Variants in ANTXR1 observed in about 807,000 individuals in gnomAD.
ANTXR1 encodes the protein ANTXR cell adhesion molecule 1.
In ANTXR1, 19 loss-of-function variants were observed where a neutral mutation model predicts 78.1. The ratio of observed to expected loss-of-function variants is 0.24; its 90% CI spans 0.17 to 0.36. The LOEUF (loss-of-function observed/expected upper bound fraction) is 0.36. Among genes scored for constraint, ANTXR1 ranks in the 10% least tolerant of loss-of-function variants. The probability of loss-of-function intolerance (pLI) is 1.00; values close to 1 mark genes in which losing one functional copy is unlikely to be tolerated. For synonymous variants in ANTXR1, 273 were observed against 260.5 expected (o/e 1.05, Z -0.46); for missense variants, 518 against 718.6 (o/e 0.72, Z 3.19).
At chr2:69,120,317 T>C (rs377187856) in intron 10 of ANTXR1, among the ~76,000 whole-genome samples, 1 of 152,202 alleles carries the variant, frequency 6.6e-6, no homozygotes, top group East Asian at 1.9e-4. Flanking sequence ...GTCGAACCAT[T>C]GTTAAGTTGA....
At chr2:69,099,232 T>G (rs954850130) in intron 9 of ANTXR1, among the ~76,000 whole-genome samples, 4 of 152,230 alleles carry the variant, frequency 2.6e-5, no homozygotes, top group Non-Finnish European at 5.9e-5. Flanking sequence ...GTGTCTTGCT[T>G]CTTTTATTTA....
intron 14 of ANTXR1, among the ~76,000 whole-genome samples, chr2:69,173,964 G>T (rs1173921715): frequency 2.0e-5 from 3 of 152,196 alleles, no homozygotes; most frequent in Non-Finnish European, 4.4e-5. Flanking sequence ...CTGGACAGAT[G>T]ACTAGTACAT....
At chr2:69,219,171 T>C (rs1179038294) in intron 17 of ANTXR1, among the ~76,000 whole-genome samples, 1 of 152,110 alleles carries the variant, frequency 6.6e-6, no homozygotes, top group Non-Finnish European at 1.5e-5. Context: ...AGTCCCCAGG[T>C]CCCTGGGTTC....
rs192869207 is a variant in ANTXR1 at position 69,128,525 on chromosome 2, G to A, written c.951+3882G>A. Among the ~76,000 whole-genome samples the A allele has an allele frequency of 1.8e-4, 28 of 152,280 alleles. No homozygotes were observed. The East Asian group carries it at 4.6e-3, about 25-fold the overall frequency. ...AGACAACATGTATCCGGGGGTACAT[G>A]TTTATCACTAGACCAAGCCCAGGTG... On this transcript the variant is annotated intron_variant, in intron 12 of 17. Coordinates refer to ENST00000303714, the MANE Select transcript of ANTXR1 (RefSeq NM_032208.3).
intron 17 of ANTXR1, among the ~76,000 whole-genome samples, chr2:69,204,151 G>A (rs986060827): frequency 6.6e-6 from 1 of 152,184 alleles, no homozygotes; most frequent in Non-Finnish European, 1.5e-5. Context: ...AGATCATCTC[G>A]AGGGACATTC....
chr2:69,147,969 G>T (rs773486675), intron 12 of ANTXR1, among the ~76,000 whole-genome samples: 3 of 152,200 alleles, frequency 2.0e-5, no homozygotes, highest in African/African-American at 7.2e-5. Flanking sequence ...AAATGCAGGC[G>T]TTTCAAGAGT....
In ANTXR1 at chr2:69,013,924, A is replaced by G. The variant is rs1279783190; in HGVS notation, c.152+273A>G. ...TGCTTTCTGTGTCCCAGGAGCAGGC[A>G]AGGGGCTTGGAGGATGCTATTGTCT... On this transcript the variant is annotated intron_variant, in intron 1 of 17. Coordinates refer to ENST00000303714, the MANE Select transcript of ANTXR1 (RefSeq NM_032208.3). This position sits in a 1 kb window ranked among gnomAD's most constrained non-coding sequence, Gnocchi z 5.0. 6.6e-6 allele frequency among the ~76,000 whole-genome samples: 1 copy of G among 152,210 alleles called. No homozygotes were observed. Among genetic ancestry groups the G allele is most frequent in the Non-Finnish European group, 1.5e-5 (1 of 68,030 alleles).
intron 10 of ANTXR1, among the ~76,000 whole-genome samples, chr2:69,108,786 A>G (rs965440221): frequency 5.3e-5 from 8 of 152,346 alleles, no homozygotes; most frequent in Non-Finnish European, 1.0e-4. Context: ...GTTCCTGCAA[A>G]GGACATGATC....
At chr2:69,023,722 C>G (rs1671264366) in intron 1 of ANTXR1, among the ~76,000 whole-genome samples, 1 of 152,114 alleles carries the variant, frequency 6.6e-6, no homozygotes, top group South Asian at 2.1e-4. Flanking sequence ...TGCCAAGTCT[C>G]AAGGAGCTCA....
intron 3 of ANTXR1, among the ~76,000 whole-genome samples, chr2:69,063,203 C>A (rs1320825662): frequency 1.3e-5 from 2 of 151,936 alleles, no homozygotes; most frequent in African/African-American, 4.8e-5. Flanking sequence ...GAACCTCAAG[C>A]AGGACAAATG....
At chr2:69,092,558 G>T (rs1026527517) in intron 9 of ANTXR1, among the ~76,000 whole-genome samples, 14 of 152,144 alleles carry the variant, frequency 9.2e-5, no homozygotes, top group African/African-American at 3.1e-4. Flanking sequence ...CCAAAGAAAG[G>T]CAATCCCAAA....
chr2:69,244,420 AG>A (rs1397708084), intron 17 of ANTXR1, among the ~76,000 whole-genome samples: 1 of 152,182 alleles, frequency 6.6e-6, no homozygotes, highest in Non-Finnish European at 1.5e-5. Context: ...CGTGTAGAAG[AG>A]GGATTCCCAC....
rs1477297314 is a variant in ANTXR1 at position 69,091,498 on chromosome 2, G to A, written c.703+579G>A. Among the ~76,000 whole-genome samples, 7 of 136,630 alleles carry A rather than the reference G, an allele frequency of 5.1e-5. No individual in the cohort carries two copies. In the South Asian group the frequency reaches 1.8e-3, roughly 34 times the overall value. 89.6% of individuals were successfully genotyped at this position (136,630 alleles called of 152,430 possible). A position where few individuals can be genotyped will look rare whatever the true frequency, so the allele number is the denominator to read the frequency against. ...TATCTTCTTTCATGGGACCTAATTA[G>A]AAGGGAATTGTAGAAATACTGGATT... On this transcript the variant is annotated intron_variant, in intron 9 of 17. Transcript: ENST00000303714.
intron 10 of ANTXR1, among the ~76,000 whole-genome samples, chr2:69,109,796 A>C (rs184810397): frequency 1.4e-3 from 211 of 152,362 alleles, no homozygotes; most frequent in African/African-American, 4.7e-3. Context: ...AGGATGTGTT[A>C]AACATGAAGG....
intron 1 of ANTXR1, among the ~76,000 whole-genome samples, chr2:69,037,503 C>T (rs1363401780): frequency 6.6e-6 from 1 of 152,110 alleles, no homozygotes; most frequent in Non-Finnish European, 1.5e-5. Flanking sequence ...GAGTTTCCCT[C>T]TTGTTGCCTA....
chr2:69,190,162 G>A (rs1031724162), intron 16 of ANTXR1, among the ~76,000 whole-genome samples: 2 of 152,156 alleles, frequency 1.3e-5, no homozygotes, highest in Admixed American at 6.5e-5. Flanking sequence ...GTAGAAGCTC[G>A]TGGCACAGAG....
rs112245417 is a variant in ANTXR1 at position 69,247,472 on chromosome 2, G to A, written c.*1987G>A. ...CAGAGTCTCCCAGCCTTCTCAGAGA[G>A]CTAAAACCAGAAATTTCCAGACTCA... On this transcript the variant is annotated 3_prime_UTR_variant, in exon 18 of 18. Transcript: ENST00000303714. The A allele has an allele frequency of 2.0e-5, 3 of 153,084 alleles. No individual in the cohort carries two copies. The highest frequency in any genetic ancestry group is 4.8e-5 in the African/African-American group (2 of 41,540). 9.5% of individuals were successfully genotyped at this position (153,084 alleles called of 1,614,324 possible). A position where few individuals can be genotyped will look rare whatever the true frequency, so the allele number is the denominator to read the frequency against.
intron 17 of ANTXR1, among the ~76,000 whole-genome samples, chr2:69,241,307 A>T (rs2104532298): frequency 6.6e-6 from 1 of 152,250 alleles, no homozygotes; most frequent in South Asian, 2.1e-4. Context: ...GCAAAAAACG[A>T]TGTTGTGTAA....
intron 12 of ANTXR1, among the ~76,000 whole-genome samples, chr2:69,127,566 C>T (rs1445548461): frequency 6.6e-6 from 1 of 152,070 alleles, no homozygotes; most frequent in African/African-American, 2.4e-5. Flanking sequence ...TAGAAGATTA[C>T]TTGGCTGAAG....
Sources: gnomAD v4.1 joint callset for allele counts (sites outside exome capture counted in the v4.1 genomes callset) on GRCh38, gnomAD v4.1.1 for gene constraint, Gnocchi (gnomAD v3.1) non-coding constraint, MANE v1.5 for transcripts, NCBI Gene and HGNC (gene_info 2026-07-23, HGNC 2026-07-21) for gene names.